The following CDH17 variants were observed in gnomAD, a reference collection of about 807,000 sequenced individuals.
CDH17 encodes the protein cadherin 17, also known as cadherin-17.
CDH17 carries 67 observed loss-of-function variants against 86.3 expected under a neutral mutation model. The ratio of observed to expected loss-of-function variants is 0.78; its 90% confidence interval spans 0.64 to 0.95. CDH17 has a LOEUF of 0.95. Ranked by LOEUF, CDH17 falls within the 40% of genes least tolerant of loss-of-function variation. The probability of loss-of-function intolerance (pLI) is 0.00; values close to 1 mark genes in which losing one functional copy is unlikely to be tolerated. For missense variants in CDH17, 993 were observed against 1,017.6 expected (o/e 0.98, Z 0.33); for synonymous variants, 367 against 366.4 (o/e 1.00, Z -0.02).
intron 15 of CDH17, among the ~76,000 whole-genome samples, chr8:94,133,308 C>G (rs1812456849): frequency 6.6e-6 from 1 of 152,116 alleles, no homozygotes; most frequent in Non-Finnish European, 1.5e-5. Context: ...ATGGAATGTT[C>G]TTCCATTTGT....
intron 1 of CDH17, among the ~76,000 whole-genome samples, chr8:94,215,780 C>T (rs1156991366): frequency 6.6e-6 from 1 of 151,800 alleles, no homozygotes; most frequent in Non-Finnish European, 1.5e-5. Flanking sequence ...TTACCTCGGT[C>T]TAGGCCCTTC....
chr8:94,201,635 T>C (rs1488101803), intron 1 of CDH17, among the ~76,000 whole-genome samples: 3 of 152,196 alleles, frequency 2.0e-5, no homozygotes, highest in African/African-American at 7.2e-5. Context: ...AGATGGTAAA[T>C]ATCTGCTGTT....
At chr8:94,161,596 G>A (rs907722163) in intron 11 of CDH17, among the ~76,000 whole-genome samples, 1 of 152,116 alleles carries the variant, frequency 6.6e-6, no homozygotes, top group Non-Finnish European at 1.5e-5. Context: ...TCTCTCAAAT[G>A]TCTTGGGCAC....
rs117487921 is a variant in CDH17 at position 94,128,251 on chromosome 8, G to A, written c.2488C>T (p.Leu830=). The A allele has an allele frequency of 6.2e-6, 10 of 1,609,802 alleles. No homozygotes were observed. The highest frequency in any genetic ancestry group is 1.7e-5 in the Admixed American group (1 of 59,966). Reference sequence around the variant, plus strand: ...ATTCCTTTTCAAATTCAGCTTCTCAGAGGTTTGACTTCAGATGCTTGAGCA... The same window carrying A: ...ATTCCTTTTCAAATTCAGCTTCTCAAAGGTTTGACTTCAGATGCTTGAGCA... The part of the protein sequence containing the change: ...ESAQASEVKP[L]RS Residue 830 remains leucine (L), a synonymous_variant, in exon 18 of 18, where the codon CTG becomes TTG. Transcript: ENST00000027335.
upstream of CDH17, among the ~76,000 whole-genome samples, chr8:94,209,373 C>T (rs543795221): frequency 6.6e-6 from 1 of 152,288 alleles, no homozygotes; most frequent in East Asian, 1.9e-4. Context: ...TTACACTTGG[C>T]CCTGTTTCTG....
At chr8:94,137,966 G>C (rs1228009620) in intron 15 of CDH17, among the ~76,000 whole-genome samples, 2 of 152,074 alleles carry the variant, frequency 1.3e-5, no homozygotes, top group African/African-American at 4.8e-5. Context: ...CTGCTTGTTA[G>C]CTATGTAATT....
chr8:94,164,769 C>A (rs553325326), intron 10 of CDH17, among the ~76,000 whole-genome samples: 3 of 152,262 alleles, frequency 2.0e-5, no homozygotes, highest in East Asian at 1.9e-4. Flanking sequence ...ACTCAAAGGA[C>A]CTTCTAGGAG....
At chr8:94,200,406 G>A (rs1349059719) in intron 1 of CDH17, among the ~76,000 whole-genome samples, 1 of 151,934 alleles carries the variant, frequency 6.6e-6, no homozygotes, top group African/African-American at 2.4e-5. Context: ...CCGTCTGCGT[G>A]GAATTTTTGC....
chr8:94,186,687 C>T (rs576806793), intron 3 of CDH17, among the ~76,000 whole-genome samples: 10 of 152,198 alleles, frequency 6.6e-5, no homozygotes, highest in Non-Finnish European at 1.2e-4. Flanking sequence ...CCTCACTTCC[C>T]GTTGAACTAT....
At chr8:94,215,046 T>C (rs1488621013) in intron 1 of CDH17, among the ~76,000 whole-genome samples, 2 of 152,362 alleles carry the variant, frequency 1.3e-5, no homozygotes, top group Admixed American at 1.3e-4. Flanking sequence ...CTGGTGGGAA[T>C]GTAAAATAAC....
chr8:94,209,017 A>T (rs142741440), upstream of CDH17, among the ~76,000 whole-genome samples: 154 of 152,316 alleles, frequency 1.0e-3, 3 homozygotes, highest in African/African-American at 3.5e-3. Context: ...GCCACATGAG[A>T]TATCATAAAT....
Position 94,127,811 on chromosome 8 carries a change from A to AAAT in CDH17, c.*426_*428dup, listed in dbSNP as rs1407610242. The AAAT allele has an allele frequency of 6.1e-6, 1 of 162,856 alleles. No homozygotes were observed. The highest frequency in any genetic ancestry group is 1.8e-4 in the East Asian group (1 of 5,484). The allele number at this position is 162,856 out of a possible 1,614,324, so 10.1% of individuals were successfully genotyped here. ...ATCTCTCTAATGTCTATAGCACATG[A>AAAT]AATATCTAAGTAGGTGGGTGCAGTG... is the stretch of plus-strand genomic sequence containing the variant. On this transcript the variant is annotated 3_prime_UTR_variant, in exon 18 of 18. Transcript: ENST00000027335.
At chr8:94,199,564 G>A (rs1217052312) in intron 1 of CDH17, among the ~76,000 whole-genome samples, 5 of 151,992 alleles carry the variant, frequency 3.3e-5, no homozygotes, top group African/African-American at 9.7e-5. Context: ...CAGATGCTCA[G>A]AGAGATCACT....
At chr8:94,166,022 T>C (rs757191596) in intron 9 of CDH17, 46 bp from the exon 10 acceptor site, 4 of 1,145,698 alleles carry the variant, frequency 3.5e-6, no homozygotes, top group Non-Finnish European at 5.2e-6. Context: ...AGGCTCCACA[T>C]AATCTATTAA....
At chr8:94,204,145 A>T (rs2098244768) in intron 1 of CDH17, among the ~76,000 whole-genome samples, 1 of 152,034 alleles carries the variant, frequency 6.6e-6, no homozygotes, top group African/African-American at 2.4e-5. Context: ...TTCTTTTTTT[A>T]AAAATTTTAC....
At chr8:94,168,796 T>C (rs988570613) in intron 9 of CDH17, among the ~76,000 whole-genome samples, 3 of 152,106 alleles carry the variant, frequency 2.0e-5, no homozygotes, top group African/African-American at 7.2e-5. Flanking sequence ...CTCCTGATAT[T>C]TGTGCTTTTT....
chr8:94,186,069 A>T (rs554660105), intron 3 of CDH17, among the ~76,000 whole-genome samples: 10 of 152,288 alleles, frequency 6.6e-5, no homozygotes, highest in Non-Finnish European at 1.3e-4. Flanking sequence ...AACTCACCAC[A>T]GACAGGTATC....
chr8:94,135,114 A>G (rs2513800), intron 15 of CDH17, among the ~76,000 whole-genome samples: 124,679 of 152,060 alleles, frequency 0.82, 51,248 homozygotes, highest in Middle Eastern at 0.84. Context: ...GCTATGTGGC[A>G]CTGAGAAGAA....
chr8:94,194,844 A>C (rs905263781), intron 1 of CDH17, 139 bp from the exon 2 acceptor site: 2 of 604,456 alleles, frequency 3.3e-6, no homozygotes, highest in East Asian at 5.6e-5. Context: ...TCTCCTCTAT[A>C]TGGAGCAGCC....
Sources: allele counts gnomAD v4.1 joint callset (sites outside exome capture counted in the v4.1 genomes callset), GRCh38; gene constraint gnomAD v4.1.1; transcripts MANE v1.5; gene names NCBI Gene and HGNC (gene_info 2026-07-23, HGNC 2026-07-21).